Variants in FOXN4 observed in about 807,000 individuals in gnomAD.
FOXN4 encodes the protein forkhead box N4.
Under a neutral mutation model 45.0 loss-of-function variants are expected in FOXN4, and 12 were observed. The observed-to-expected ratio is 0.27, with a 90% confidence interval of 0.17 to 0.43. The LOEUF (loss-of-function observed/expected upper bound fraction) is 0.43, where lower values mean the gene tolerates loss of function less well. Ranked by LOEUF, FOXN4 falls within the 20% of genes least tolerant of loss-of-function variation. FOXN4 has a pLI of 1.00. For missense variants in FOXN4, 560 were observed against 694.9 expected, an observed-to-expected ratio of 0.81 and a Z score of 2.18; for synonymous variants, 297 against 295.0, an observed-to-expected ratio of 1.01 and a Z score of -0.07.
At position 109,279,485 on chromosome 12, in the gene FOXN4, G is replaced by A; in HGVS notation, c.*186C>T. On this transcript the variant is annotated 3_prime_UTR_variant, in exon 10 of 10. Transcript: ENST00000299162. ...CCCAGAAACTGCTCCGGAAGCTCCA[G>A]GGGGAGGCACGAGAAGGAGAGGGGC... The A allele has an allele frequency of 1.2e-6, 1 of 847,260 alleles. No individual in the cohort carries two copies. The highest frequency in any genetic ancestry group is 2.8e-5 in the Admixed American group (1 of 35,666). 52.5% of individuals were successfully genotyped at this position (847,260 alleles called of 1,614,324 possible). A position where few individuals can be genotyped will look rare whatever the true frequency, so the allele number is the denominator to read the frequency against.
rs1250413562 is a variant in FOXN4, at chr12:109,279,468, C to T, written c.*203G>A. On this transcript the variant is annotated 3_prime_UTR_variant, in exon 10 of 10. Transcript: ENST00000299162. ...TCTGACTTGGAAGAGCCCCCAGAAA[C>T]TGCTCCGGAAGCTCCAGGGGGAGGC... 1.4e-6 allele frequency: 1 copy of T among 731,270 alleles called. No individual in the cohort carries two copies. The highest frequency in any genetic ancestry group is 2.7e-5 in the East Asian group (1 of 36,458). The allele number at this position is 731,270 out of a possible 1,614,324, so 45.3% of individuals were successfully genotyped here. A position where few individuals can be genotyped will look rare whatever the true frequency, so the allele number is the denominator to read the frequency against.
Position 109,281,602 on chromosome 12 carries a change from G to A in FOXN4, c.1099C>T (p.Pro367Ser), listed in dbSNP as rs1191022481. ...GAGTCTGGAGCAAGATGTGCCTGGG[G>A]CTGGACCTGGTGGTGCAGGGGGACT... Reference protein sequence around the residue: ...QSVPLHHQVQPQAHLAPDSPA... With the variant: ...QSVPLHHQVQSQAHLAPDSPA... The change falls in exon 9 of 10, where the codon CCC becomes TCC. Residue 367 changes from proline (P) to serine (S), a missense_variant. Transcript: ENST00000299162. 1 of 1,608,098 alleles carries A rather than the reference G, an allele frequency of 6.2e-7. No homozygotes were observed. Among genetic ancestry groups the A allele is most frequent in the African/African-American group, 1.3e-5 (1 of 74,974 alleles).
Position 109,286,664 on chromosome 12 carries a change from T to C in FOXN4, c.677A>G (p.His226Arg), listed in dbSNP as rs767244760. Reference sequence around the variant, plus strand: ...GGGACTCACCTTGAAGTAGGGGAAGTGCTCCTTCATGAAGCTGTAGATCTC... The same window carrying C: ...GGGACTCACCTTGAAGTAGGGGAAGCGCTCCTTCATGAAGCTGTAGATCTC... ...VSEIYSFMKE[H>R]FPYFKTAPDG... The change falls in exon 7 of 10, where the codon CAC (histidine) becomes CGC (arginine). Residue 226 changes from histidine (H) to arginine (R), a missense_variant. Physicochemically the swap from His to Arg is conservative, Grantham distance 29. Around this residue, in one of 5 missense-constraint regions of FOXN4, gnomAD observed 39 missense variants for 81.7 expected, o/e 0.48. Coordinates refer to ENST00000299162, the MANE Select transcript of FOXN4 (RefSeq NM_213596.3). The C allele has an allele frequency of 1.2e-6, 2 of 1,609,952 alleles. No homozygotes were observed.
chr12:109,285,244 C>CGCGTGTGTGTGTGT (rs2047695866), intron 8 of FOXN4, 60 bp downstream of exon 8: 1 of 1,033,904 alleles, frequency 9.7e-7, no homozygotes, highest in African/African-American at 1.7e-5. Context: ...CTTCCTCTTC[C>CGCGTGTGTGTGTGT]GTGTGTGTGT....
In FOXN4 at chr12:109,308,282, T is replaced by A. The variant is rs1360598819; in HGVS notation, c.40A>T (p.Ile14Phe). The A allele has an allele frequency of 6.4e-7, 1 of 1,552,040 alleles. No homozygotes were observed. Among genetic ancestry groups the A allele is most frequent in the South Asian group, 1.2e-5 (1 of 84,030 alleles). ...TGGTGATTTTGCCCTGAGTTTCGAA[T>A]AATTCCTGACATTATGGATGAGGTG... ...SDTSSIMSGI[I>F]RNSGQNHHPS... is the part of the protein sequence containing the mutation. Residue 14 changes from isoleucine (I) to phenylalanine (F), a missense_variant, in exon 2 of 10, where the codon ATT becomes TTT. Transcript: ENST00000299162.
chr12:109,289,907 G>A (rs2047749816), intron 3 of FOXN4, among the ~76,000 whole-genome samples: 2 of 152,196 alleles, frequency 1.3e-5, no homozygotes, highest in African/African-American at 4.8e-5. Context: ...GTGTGGCAGC[G>A]GGACTCTATT....
intron 2 of FOXN4, among the ~76,000 whole-genome samples, chr12:109,305,481 A>C (rs1337118722): frequency 2.0e-5 from 3 of 152,214 alleles, no homozygotes. Context: ...TAATCCCAGC[A>C]CTTTGGAGGG....
chr12:109,281,413 G>A lies in FOXN4; in HGVS notation c.1288C>T (p.Leu430=). 1 of 1,613,906 alleles carries A rather than the reference G, an allele frequency of 6.2e-7. No individual in the cohort carries two copies. The highest frequency in any genetic ancestry group is 8.5e-7 in the Non-Finnish European group (1 of 1,179,844). ...TCCATTCCTCCAGCCTCACCCTGCAGAGCGAAGTCCATGATGCTCGGGTCG... is the reference window on the plus strand; with the variant it reads ...TCCATTCCTCCAGCCTCACCCTGCAAAGCGAAGTCCATGATGCTCGGGTCG... ...ALDPSIMDFA[L]QGNLWEEMKD... The change falls in exon 9 of 10, where the codon CTG becomes TTG. Residue 430 remains leucine, a synonymous_variant. Coordinates refer to ENST00000299162, the MANE Select transcript of FOXN4 (RefSeq NM_213596.3).
chr12:109,300,268 A>T (rs948001102), intron 2 of FOXN4, among the ~76,000 whole-genome samples: 5 of 152,114 alleles, frequency 3.3e-5, no homozygotes, highest in Non-Finnish European at 2.9e-5. Flanking sequence ...CTGTTCTGGC[A>T]AGCAGAAGCA....
chr12:109,296,830 G>C (rs1427987247), intron 2 of FOXN4, among the ~76,000 whole-genome samples: 2 of 152,216 alleles, frequency 1.3e-5, no homozygotes, highest in African/African-American at 4.8e-5. Flanking sequence ...CTCCCCTGGG[G>C]TCAGCTGTCC....
At chr12:109,283,754 G>T (rs978980262) in intron 8 of FOXN4, among the ~76,000 whole-genome samples, 6 of 152,180 alleles carry the variant, frequency 3.9e-5, no homozygotes, top group African/African-American at 1.4e-4. Context: ...GGGATTATGG[G>T]CATGAGCCAC....
chr12:109,290,232 C>T lies in FOXN4; in HGVS notation c.141G>A (p.Ser47=), dbSNP rs371222752. Residue 47 remains serine, a synonymous_variant, in exon 3 of 10, where the codon TCG becomes TCA. Coordinates refer to ENST00000299162, the MANE Select transcript of FOXN4 (RefSeq NM_213596.3). The surrounding 1 kb of genome is among the most constrained non-coding windows in gnomAD (Gnocchi z 5.1). ...DDLPGDLQSL[S]WLTAVDVPRL... is the part of the protein sequence containing the mutation. ...GAGGCACATCCACCGCCGTGAGCCA[C>T]GACAGCGACTGCAGGTCCCCGGGAA... 3.2e-5 allele frequency: 49 copies of T among 1,551,364 alleles called. No homozygotes were observed. Among genetic ancestry groups the T allele is most frequent in the South Asian group, 1.7e-4 (14 of 84,052 alleles).
At chr12:109,294,791 C>T (rs986060628) in intron 2 of FOXN4, among the ~76,000 whole-genome samples, 3 of 151,994 alleles carry the variant, frequency 2.0e-5, no homozygotes, top group African/African-American at 7.3e-5. Flanking sequence ...TGACCTCTGT[C>T]CCCTGCAGAA....
chr12:109,282,907 G>A (rs1395703968), intron 8 of FOXN4, among the ~76,000 whole-genome samples: 4 of 151,694 alleles, frequency 2.6e-5, no homozygotes, highest in African/African-American at 9.7e-5. Flanking sequence ...TGTCAGTACT[G>A]GCCCTGGGTC....
intron 2 of FOXN4, among the ~76,000 whole-genome samples, chr12:109,304,786 C>T (rs181300584): frequency 3.3e-5 from 5 of 152,162 alleles, no homozygotes; most frequent in Admixed American, 6.5e-5. Flanking sequence ...TGTGGGAGGG[C>T]GAATGAGAAG....
At chr12:109,280,982 A>T (rs1290746396) in intron 9 of FOXN4, among the ~76,000 whole-genome samples, 1 of 152,146 alleles carries the variant, frequency 6.6e-6, no homozygotes, top group Non-Finnish European at 1.5e-5. Context: ...TAGCCAGGTG[A>T]CCTTGGGTGA....
At position 109,290,546 on chromosome 12, in the gene FOXN4, G is replaced by A. The variant is rs1385217546; in HGVS notation, c.87-260C>T. ...AGCACCTACCACATAAACAATGCAC[G>A]CGAATATTTGTTGAGGACTTGACCA... On this transcript the variant is annotated intron_variant, in intron 2 of 9. Transcript: ENST00000299162. This position sits in a 1 kb window ranked among gnomAD's most constrained non-coding sequence, Gnocchi z 5.1. Among the ~76,000 whole-genome samples, 3 of 152,172 alleles carry A rather than the reference G, an allele frequency of 2.0e-5. No homozygotes were observed. The highest frequency in any genetic ancestry group is 1.9e-4 in the East Asian group (1 of 5,198).
At position 109,290,163 on chromosome 12, in the gene FOXN4, G is replaced by A; in HGVS notation, c.210C>T (p.Pro70=). ...MASGRVDLGG[P]CVPHPHPGAL... ...TACCTGGGTGTGGATGTGGCACGCAGGGGCCACCCAGGTCCACGCGGCCAC... is the reference window on the plus strand; with the variant it reads ...TACCTGGGTGTGGATGTGGCACGCAAGGGCCACCCAGGTCCACGCGGCCAC... The change falls in exon 3 of 10, where the codon CCC becomes CCT. Residue 70 remains proline (P), a synonymous_variant. Coordinates refer to ENST00000299162, the MANE Select transcript of FOXN4 (RefSeq NM_213596.3). The surrounding 1 kb of genome is among the most constrained non-coding windows in gnomAD (Gnocchi z 5.1). The A allele has an allele frequency of 6.4e-7, 1 of 1,550,514 alleles. No individual in the cohort carries two copies. The highest frequency in any genetic ancestry group is 1.2e-5 in the South Asian group (1 of 83,868).
At position 109,287,921 on chromosome 12, in the gene FOXN4, A is replaced by G. The variant is rs1270327973; in HGVS notation, c.391T>C (p.Ser131Pro). 1 of 1,549,606 alleles carries G rather than the reference A, an allele frequency of 6.5e-7. No homozygotes were observed. Among genetic ancestry groups the G allele is most frequent in the Admixed American group, 2.0e-5 (1 of 50,950 alleles). ...AGATGCGGCGGGTCCTGCAGGCCAGATGAGGGCTGGCCCCCCACGGGGAAC... is the reference window on the plus strand; with the variant it reads ...AGATGCGGCGGGTCCTGCAGGCCAGGTGAGGGCTGGCCCCCCACGGGGAAC... ...SQFPVGGQPS[S>P]GLQDPPHLYS... Residue 131 changes from serine to proline, a missense_variant, in exon 5 of 10, where the codon TCT becomes CCT. Physicochemically the swap from Ser to Pro is moderately conservative, Grantham distance 74. Coordinates refer to ENST00000299162, the MANE Select transcript of FOXN4 (RefSeq NM_213596.3). This position sits in a 1 kb window ranked among gnomAD's most constrained non-coding sequence, Gnocchi z 4.1.
Sources: allele counts gnomAD v4.1 joint callset (sites outside exome capture counted in the v4.1 genomes callset), GRCh38; gene constraint gnomAD v4.1.1; regional missense constraint gnomAD v4.1.1; non-coding constraint Gnocchi (gnomAD v3.1); transcripts MANE v1.5; gene names NCBI Gene and HGNC (gene_info 2026-07-23, HGNC 2026-07-21).